Variants in KCNAB1 observed in about 807,000 individuals in gnomAD.
KCNAB1 encodes voltage-gated potassium channel subunit beta-1.
KCNAB1 carries 35 observed loss-of-function variants against 64.6 expected under a neutral mutation model. That is an observed-to-expected ratio of 0.54 (90% confidence interval 0.41 to 0.72). KCNAB1 has a LOEUF of 0.72. Ranked by LOEUF, KCNAB1 falls within the 30% of genes least tolerant of loss-of-function variation. The pLI is 0.00. For synonymous variants in KCNAB1, 177 were observed against 183.8 expected (o/e 0.96, Z 0.30); for missense variants, 401 against 512.9 (o/e 0.78, Z 2.11).
intron 1 of KCNAB1, among the ~76,000 whole-genome samples, chr3:156,219,561 C>G (rs1007913659): frequency 1.2e-4 from 18 of 151,928 alleles, no homozygotes; most frequent in African/African-American, 4.4e-4. Flanking sequence ...GGAAAACTTT[C>G]CAGCCTTGCT....
At chr3:156,525,389 TA>T (rs965160872) in intron 12 of KCNAB1, among the ~76,000 whole-genome samples, 23 of 152,110 alleles carry the variant, frequency 1.5e-4, no homozygotes, top group Admixed American at 3.9e-4. Context: ...TTTAAAAAGC[TA>T]AAAAAACACT....
Position 156,120,580 on chromosome 3 carries a change from T to C in KCNAB1, c.-32T>C. ...TCAATTCAGATTACTTTGATGACAGTGACTTCCAGTCTTCTCTGAAAGATC... is the reference window on the plus strand; with the variant it reads ...TCAATTCAGATTACTTTGATGACAGCGACTTCCAGTCTTCTCTGAAAGATC... On this transcript the variant is annotated 5_prime_UTR_variant, in exon 1 of 14. Coordinates refer to ENST00000490337, the MANE Select transcript of KCNAB1 (RefSeq NM_172160.3). 4 of 1,611,594 alleles carry C rather than the reference T, an allele frequency of 2.5e-6. No homozygotes were observed. Among genetic ancestry groups the C allele is most frequent in the Non-Finnish European group, 3.4e-6 (4 of 1,178,348 alleles).
intron 1 of KCNAB1, among the ~76,000 whole-genome samples, chr3:156,135,281 G>A (rs1444351172): frequency 2.0e-5 from 3 of 152,018 alleles, no homozygotes; most frequent in East Asian, 1.9e-4. Context: ...ACAGGAATGC[G>A]CCACTGCACC....
intron 6 of KCNAB1, among the ~76,000 whole-genome samples, chr3:156,465,253 A>C (rs1448783109): frequency 6.6e-6 from 1 of 152,214 alleles, no homozygotes; most frequent in South Asian, 2.1e-4. Flanking sequence ...AGCTAACAAA[A>C]AAGTTCAGCA....
intron 1 of KCNAB1, among the ~76,000 whole-genome samples, chr3:156,384,613 C>T (rs1712430479): frequency 6.6e-6 from 1 of 152,162 alleles, no homozygotes; most frequent in Non-Finnish European, 1.5e-5. Context: ...GAAATAAGGA[C>T]CTTTCTAGAG....
intron 8 of KCNAB1, among the ~76,000 whole-genome samples, chr3:156,503,562 G>GA (rs1348721126): frequency 6.6e-6 from 1 of 152,186 alleles, no homozygotes; most frequent in Non-Finnish European, 1.5e-5. Flanking sequence ...CTGTTTGGGA[G>GA]AAATCACAGC....
rs903799193 is a variant in KCNAB1 at position 156,177,537 on chromosome 3, T to C, written c.275+56651T>C. ...GACTACAAGCGCCCGCCACCCCGCC[T>C]GGCTAATTTTTTTGTATTTTTAGTA... On this transcript the variant is annotated intron_variant, in intron 1 of 13. Transcript: ENST00000490337. Among the ~76,000 whole-genome samples the C allele has an allele frequency of 4.6e-5, 7 of 151,562 alleles. No individual in the cohort carries two copies. In the East Asian group the frequency reaches 1.2e-3, roughly 26 times the overall value.
chr3:156,489,084 A>G (rs1715434981), intron 8 of KCNAB1, among the ~76,000 whole-genome samples: 1 of 152,114 alleles, frequency 6.6e-6, no homozygotes, highest in African/African-American at 2.4e-5. Context: ...TAGGTGGCCA[A>G]GTGAAGATGC....
At chr3:156,522,584 T>G (rs539834406) in intron 11 of KCNAB1, among the ~76,000 whole-genome samples, 1 of 152,338 alleles carries the variant, frequency 6.6e-6, no homozygotes, top group Admixed American at 6.5e-5. Context: ...CCTTTGAGAT[T>G]TAGGAGACAA....
chr3:156,290,918 T>C (rs935453831), intron 1 of KCNAB1: 6 of 963,064 alleles, frequency 6.2e-6, no homozygotes, highest in Non-Finnish European at 7.4e-6. Context: ...GAAAAGGAAC[T>C]CTGACAAGGC....
chr3:156,523,814 T>C lies in KCNAB1; in HGVS notation c.961-13T>C, dbSNP rs777732060. Reference sequence around the variant, plus strand: ...ACCAGACATTAACATTTCAATGTTATGCTTTTCCCCAGTGCTACCAGTGGT... The same window carrying C: ...ACCAGACATTAACATTTCAATGTTACGCTTTTCCCCAGTGCTACCAGTGGT... On this transcript the variant is annotated splice_polypyrimidine_tract_variant and intron_variant, in intron 11 of 13. Coordinates refer to ENST00000490337, the MANE Select transcript of KCNAB1 (RefSeq NM_172160.3). 6.2e-7 allele frequency: 1 copy of C among 1,608,442 alleles called. No homozygotes were observed. Among genetic ancestry groups the C allele is most frequent in the Admixed American group, 1.7e-5 (1 of 59,292 alleles).
At chr3:156,127,985 C>G (rs1167853246) in intron 1 of KCNAB1, among the ~76,000 whole-genome samples, 1 of 151,988 alleles carries the variant, frequency 6.6e-6, no homozygotes, top group Non-Finnish European at 1.5e-5. Context: ...GCCTCTATCT[C>G]AGTCTTCTGA....
At chr3:156,125,956 T>C (rs13073556) in intron 1 of KCNAB1, among the ~76,000 whole-genome samples, 78,085 of 152,056 alleles carry the variant, frequency 0.51, 21,982 homozygotes, top group East Asian at 0.7. Flanking sequence ...CAGCCATTGA[T>C]TGAGATTCTT....
At position 156,408,793 on chromosome 3, in the gene KCNAB1, AT is replaced by A. The variant is rs1159477317; in HGVS notation, c.276-12822del. On this transcript the variant is annotated intron_variant, in intron 1 of 13. Transcript: ENST00000490337. Reference sequence around the variant, plus strand: ...AGACTCCATCTCCATAAAAAAAAAAATAAAATAAAATAAATAACCTGAGTTC... The same window carrying A: ...AGACTCCATCTCCATAAAAAAAAAAAAAAATAAAATAAATAACCTGAGTTC... Among the ~76,000 whole-genome samples the A allele has an allele frequency of 3.9e-5, 6 of 152,172 alleles. No homozygotes were observed. In the East Asian group the frequency reaches 5.8e-4, roughly 15 times the overall value.
At chr3:156,355,023 A>C (rs113153083) in intron 1 of KCNAB1, among the ~76,000 whole-genome samples, 157 of 152,322 alleles carry the variant, frequency 1.0e-3, no homozygotes, top group African/African-American at 3.7e-3. Flanking sequence ...GGCATTCCTA[A>C]TTAGTTGCCT....
chr3:156,522,969 C>T (rs988494589), intron 11 of KCNAB1, among the ~76,000 whole-genome samples: 1 of 152,172 alleles, frequency 6.6e-6, no homozygotes, highest in Non-Finnish European at 1.5e-5. Flanking sequence ...CTTAAGTGCT[C>T]GCTTTATGTA....
At chr3:156,176,385 C>G (rs753249730) in intron 1 of KCNAB1, 35 of 789,640 alleles carry the variant, frequency 4.4e-5, no homozygotes, top group Non-Finnish European at 7.3e-5. Flanking sequence ...TCCAGAGTCC[C>G]AAAGCTTAAC....
intron 1 of KCNAB1, among the ~76,000 whole-genome samples, chr3:156,262,582 A>G (rs1718492184): frequency 6.6e-6 from 1 of 151,748 alleles, no homozygotes; most frequent in Admixed American, 6.6e-5. Context: ...ATTTGCTCAT[A>G]TTTTGTTAAG....
chr3:156,410,266 GA>G (rs1320254086), intron 1 of KCNAB1, among the ~76,000 whole-genome samples: 1 of 152,148 alleles, frequency 6.6e-6, no homozygotes, highest in Non-Finnish European at 1.5e-5. Flanking sequence ...ATAACCCGGT[GA>G]AAAACAAATT....
Sources: gnomAD v4.1 joint callset for allele counts (sites outside exome capture counted in the v4.1 genomes callset) on GRCh38, gnomAD v4.1.1 for gene constraint, MANE v1.5 for transcripts, NCBI Gene and HGNC (gene_info 2026-07-23, HGNC 2026-07-21) for gene names.